Variants in CSNK2A1 observed in about 807,000 individuals in gnomAD.
The protein encoded by CSNK2A1 is casein kinase II subunit alpha.
CSNK2A1 carries 10 observed loss-of-function variants against 62.9 expected under a neutral mutation model. The ratio of observed to expected loss-of-function variants is 0.16; its 90% CI spans 0.10 to 0.27. The LOEUF is 0.27. CSNK2A1 is among the 10% of genes least tolerant of loss of function. The probability of loss-of-function intolerance (pLI) is 1.00; values close to 1 mark genes in which losing one functional copy is unlikely to be tolerated. For missense variants in CSNK2A1, 160 were observed against 492.0 expected (o/e 0.33, Z 6.38); for synonymous variants, 124 against 167.8 (o/e 0.74, Z 2.02).
rs1241180117 is a variant in CSNK2A1, at chr20:473,651, G to C, written c.*10310C>G. ...TAAAACTTTCTCCAATCTTCTGTGT[G>C]CTCCCAGTGGGGTTCATGGTGAAAA... is the stretch of plus-strand genomic sequence containing the variant. On this transcript the variant is annotated 3_prime_UTR_variant, in exon 14 of 14. Coordinates refer to ENST00000217244, the MANE Select transcript of CSNK2A1 (RefSeq NM_177559.3). 6.6e-6 allele frequency: 1 copy of C among 152,230 alleles called. No individual in the cohort carries two copies. Among genetic ancestry groups the C allele is most frequent in the Non-Finnish European group, 1.5e-5 (1 of 68,104 alleles). 9.4% of individuals were successfully genotyped at this position (152,230 alleles called of 1,614,324 possible).
intron 2 of CSNK2A1, among the ~76,000 whole-genome samples, chr20:518,933 CTTTT>C (rs796982756): frequency 0.023 from 2,815 of 123,668 alleles, 100 homozygotes; most frequent in African/African-American, 0.076. Flanking sequence ...GTTGGATATA[CTTTT>C]TTTTTTTTTT....
At chr20:526,180 A>T (rs879412996) in intron 2 of CSNK2A1, among the ~76,000 whole-genome samples, 1 of 152,156 alleles carries the variant, frequency 6.6e-6, no homozygotes, top group Non-Finnish European at 1.5e-5. Flanking sequence ...TTGAGTCTTT[A>T]AAAATGCTCG....
chr20:518,968 T>C (rs1340988602), intron 2 of CSNK2A1, among the ~76,000 whole-genome samples: 5 of 149,724 alleles, frequency 3.3e-5, no homozygotes, highest in Non-Finnish European at 5.9e-5. Context: ...CAAAGTCTTG[T>C]TCTGCCACCC....
rs1284619684 is a variant in CSNK2A1, at chr20:475,323, G to C, written c.*8638C>G. 1 of 152,292 alleles carries C rather than the reference G, an allele frequency of 6.6e-6. No homozygotes were observed. Among genetic ancestry groups the C allele is most frequent in the Admixed American group, 6.5e-5 (1 of 15,282 alleles). The allele number at this position is 152,292 out of a possible 1,614,324, so 9.4% of individuals were successfully genotyped here. On this transcript the variant is annotated 3_prime_UTR_variant, in exon 14 of 14. Coordinates refer to ENST00000217244, the MANE Select transcript of CSNK2A1 (RefSeq NM_177559.3). The stretch of plus-strand genomic sequence containing the variant: ...AAAAATACAAAAACTATCTGGGTGT[G>C]GTGGCATGTGCCTATAATCCCAACT...
intron 4 of CSNK2A1, chr20:501,342 C>T (rs2018465114): frequency 6.6e-6 from 1 of 152,278 alleles, no homozygotes; most frequent in Non-Finnish European, 1.5e-5. Flanking sequence ...GGATTATAGG[C>T]ATGAGCCACT....
intron 2 of CSNK2A1, among the ~76,000 whole-genome samples, chr20:513,032 A>G (rs1467965670): frequency 1.3e-5 from 2 of 152,226 alleles, no homozygotes; most frequent in African/African-American, 4.8e-5. Flanking sequence ...CCGTAGAGAA[A>G]GGTGTAGGTG....
At chr20:489,202 CT>C (rs2018163837) in intron 10 of CSNK2A1, 2 of 182,604 alleles carry the variant, frequency 1.1e-5, no homozygotes, top group Non-Finnish European at 2.3e-5. Context: ...ACTATTCTTT[CT>C]TTTTTCTGTA....
chr20:541,008 T>G (rs1322902752), intron 1 of CSNK2A1: 3 of 152,150 alleles, frequency 2.0e-5, no homozygotes, highest in Non-Finnish European at 4.4e-5. Flanking sequence ...ACAACTGAGG[T>G]CCCCATTTCT....
intron 2 of CSNK2A1, among the ~76,000 whole-genome samples, chr20:516,565 T>C (rs2018832629): frequency 1.3e-5 from 2 of 152,226 alleles, no homozygotes. Flanking sequence ...GCAGAATTAA[T>C]TTCAATAAAA....
chr20:475,066 A>AC lies in CSNK2A1; in HGVS notation c.*8894dup. 1 of 152,094 alleles carries AC rather than the reference A, an allele frequency of 6.6e-6. No homozygotes were observed. Among genetic ancestry groups the AC allele is most frequent in the Middle Eastern group, 3.4e-3 (1 of 294 alleles). 9.4% of individuals were successfully genotyped at this position (152,094 alleles called of 1,614,324 possible). On this transcript the variant is annotated 3_prime_UTR_variant, in exon 14 of 14. Coordinates refer to ENST00000217244, the MANE Select transcript of CSNK2A1 (RefSeq NM_177559.3). ...CACCCCAATAAACACAACACCGAGG[A>AC]CCCCCAGAAGCACCCTGTGTATAGT...
At chr20:537,057 G>C (rs570375865) in intron 1 of CSNK2A1, among the ~76,000 whole-genome samples, 1 of 152,186 alleles carries the variant, frequency 6.6e-6, no homozygotes, top group East Asian at 1.9e-4. Flanking sequence ...GCCCATTAAA[G>C]CATTAGTCAT....
intron 10 of CSNK2A1, chr20:489,195 ATTC>A: frequency 5.5e-6 from 1 of 180,246 alleles, no homozygotes; most frequent in Non-Finnish European, 1.2e-5. Flanking sequence ...GAAGAAAACT[ATTC>A]TTTCTTTTTT....
Position 482,293 on chromosome 20 carries a change from G to A in CSNK2A1, c.*1668C>T, listed in dbSNP as rs1381707668. 6.6e-6 allele frequency: 1 copy of A among 152,160 alleles called. No homozygotes were observed. Among genetic ancestry groups the A allele is most frequent in the Non-Finnish European group, 1.5e-5 (1 of 68,014 alleles). 9.4% of individuals were successfully genotyped at this position (152,160 alleles called of 1,614,324 possible). A position where few individuals can be genotyped will look rare whatever the true frequency, so the allele number is the denominator to read the frequency against. ...AAGCAGCTACTGTAATGAAATAACA[G>A]GAGAAAATACAGAGCTGATGGTTTT... is the stretch of plus-strand genomic sequence containing the variant. On this transcript the variant is annotated 3_prime_UTR_variant, in exon 14 of 14. Coordinates refer to ENST00000217244, the MANE Select transcript of CSNK2A1 (RefSeq NM_177559.3).
intron 8 of CSNK2A1, 59 bp from the exon 9 acceptor site, chr20:492,423 A>G: frequency 6.5e-7 from 1 of 1,531,416 alleles, no homozygotes; most frequent in Non-Finnish European, 9.0e-7. Flanking sequence ...ACACTGTGCC[A>G]TTAGCATACT....
chr20:508,741 G>A (rs2018656134), intron 2 of CSNK2A1, 81 bp from the exon 3 acceptor site: 2 of 545,740 alleles, frequency 3.7e-6, no homozygotes, highest in Non-Finnish European at 6.4e-6. Context: ...AAATAATAAT[G>A]GCCTGAAATA....
At chr20:536,136 C>T (rs911195121) in intron 1 of CSNK2A1, among the ~76,000 whole-genome samples, 3 of 152,174 alleles carry the variant, frequency 2.0e-5, no homozygotes, top group South Asian at 2.1e-4. Context: ...CTACACTGGG[C>T]GTGACTTACA....
intron 2 of CSNK2A1, among the ~76,000 whole-genome samples, chr20:523,792 G>C (rs1420281294): frequency 6.8e-6 from 1 of 146,372 alleles, no homozygotes; most frequent in Non-Finnish European, 1.5e-5. Context: ...TCGGGAGGCT[G>C]AGCTTGCAGT....
chr20:529,051 T>C (rs1460215534), intron 1 of CSNK2A1, among the ~76,000 whole-genome samples: 1 of 152,228 alleles, frequency 6.6e-6, no homozygotes, highest in Non-Finnish European at 1.5e-5. Context: ...TTTCCATGTT[T>C]GTTTTTAGAG....
rs1335742976 is a variant in CSNK2A1 at position 479,902 on chromosome 20, T to C, written c.*4059A>G. The C allele has an allele frequency of 3.3e-5, 5 of 152,360 alleles. 1 individual carries two copies. Among genetic ancestry groups the C allele is most frequent in the South Asian group, 4.1e-4 (2 of 4,828 alleles). The allele number at this position is 152,360 out of a possible 1,614,324, so 9.4% of individuals were successfully genotyped here. A position where few individuals can be genotyped will look rare whatever the true frequency, so the allele number is the denominator to read the frequency against. ...TATTTCAAATTTCAGATTAGGAATA[T>C]TGAACTGGTATGTATTCCGCAAATA... On this transcript the variant is annotated 3_prime_UTR_variant, in exon 14 of 14. Transcript: ENST00000217244.
Sources: gnomAD v4.1 joint callset for allele counts (sites outside exome capture counted in the v4.1 genomes callset) on GRCh38, gnomAD v4.1.1 for gene constraint, MANE v1.5 for transcripts, NCBI Gene and HGNC (gene_info 2026-07-23, HGNC 2026-07-21) for gene names.